The following VAPA variants were observed in gnomAD, a reference collection of about 807,000 sequenced individuals.
The protein encoded by VAPA is vesicle-associated membrane protein-associated protein A.
In VAPA, 6 loss-of-function variants were observed where a neutral mutation model predicts 25.6. The observed-to-expected ratio is 0.23, with a 90% CI of 0.13 to 0.46. VAPA has a LOEUF of 0.46. Among genes scored for constraint, VAPA ranks in the 20% least tolerant of loss-of-function variants. VAPA has a pLI of 0.99. For missense variants in VAPA, 244 were observed against 302.1 expected (o/e 0.81, Z 1.43); for synonymous variants, 112 against 106.2 (o/e 1.05, Z -0.34).
intron 1 of VAPA, among the ~76,000 whole-genome samples, chr18:9,916,038 A>T (rs2069109240): frequency 6.6e-6 from 1 of 152,164 alleles, no homozygotes; most frequent in South Asian, 2.1e-4. Context: ...TACAGTGAAC[A>T]TTTCCTCTAC....
At position 9,959,566 on chromosome 18, in the gene VAPA, GTTTTTTATAATTGACTTTGTGGTCTAAAT is replaced by G. The variant is rs1555618673; in HGVS notation, c.*5357_*5385del. 1 of 151,962 alleles carries G rather than the reference GTTTTTTATAATTGACTTTGTGGTCTAAAT, an allele frequency of 6.6e-6. No homozygotes were observed. Among genetic ancestry groups the G allele is most frequent in the Non-Finnish European group, 1.5e-5 (1 of 67,968 alleles). 9.4% of individuals were successfully genotyped at this position (151,962 alleles called of 1,614,324 possible). A position where few individuals can be genotyped will look rare whatever the true frequency, so the allele number is the denominator to read the frequency against. ...TTAAGATTTAATGATTAAAGCAAGA[GTTTTTTATAATTGACTTTGTGGTCTAAAT>G]TCTTGATACTGTTTATAATTCTACA... On this transcript the variant is annotated 3_prime_UTR_variant, in exon 6 of 6. Coordinates refer to ENST00000400000, the MANE Select transcript of VAPA (RefSeq NM_194434.3).
intron 1 of VAPA, chr18:9,915,196 C>T (rs1388139093): frequency 6.6e-6 from 1 of 152,324 alleles, no homozygotes; most frequent in Non-Finnish European, 1.5e-5. Context: ...TAGTTGAGCT[C>T]CTCTGCTGAG....
chr18:9,914,322 C>T lies in VAPA; in HGVS notation c.66C>T (p.Asp22=), dbSNP rs2069090880. The T allele has an allele frequency of 6.9e-6, 11 of 1,582,966 alleles. No individual in the cohort carries two copies. Among genetic ancestry groups the T allele is most frequent in the African/African-American group, 1.4e-5 (1 of 71,096 alleles). Residue 22 remains aspartate, a synonymous_variant, in exon 1 of 6, where the codon GAC becomes GAT. Transcript: ENST00000400000. ...TCCTGGTCCTCGATCCGCCCACAGA[C>T]CTCAAATTCAAAGGTAGGCAGAACG... ...EQILVLDPPT[D]LKFKGPFTDV...
At chr18:9,944,128 C>T (rs1217011750) in intron 4 of VAPA, among the ~76,000 whole-genome samples, 4 of 151,748 alleles carry the variant, frequency 2.6e-5, no homozygotes, top group African/African-American at 4.8e-5. Context: ...GGATTACAAG[C>T]GTGAGCCACC....
intron 1 of VAPA, among the ~76,000 whole-genome samples, chr18:9,929,496 C>T (rs1238321049): frequency 1.3e-5 from 2 of 152,130 alleles, no homozygotes; most frequent in Non-Finnish European, 2.9e-5. Flanking sequence ...CTCTCCAACT[C>T]ATTTTACCTT....
In VAPA at chr18:9,914,296, A is replaced by G. The variant is rs1182273619; in HGVS notation, c.40A>G (p.Ile14Val). ...AGGGGCCATGGCGAAGCACGAGCAG[A>G]TCCTGGTCCTCGATCCGCCCACAGA... ...ASGAMAKHEQ[I>V]LVLDPPTDLK... Residue 14 changes from isoleucine to valine, a missense_variant, in exon 1 of 6, where the codon ATC becomes GTC. Physicochemically the swap from Ile to Val is conservative, Grantham distance 29. Coordinates refer to ENST00000400000, the MANE Select transcript of VAPA (RefSeq NM_194434.3). 1.9e-6 allele frequency: 3 copies of G among 1,590,614 alleles called. No homozygotes were observed. Among genetic ancestry groups the G allele is most frequent in the Non-Finnish European group, 2.6e-6 (3 of 1,169,912 alleles).
At chr18:9,950,325 A>G in intron 4 of VAPA, 70 bp from the exon 5 acceptor site, 1 of 1,509,278 alleles carries the variant, frequency 6.6e-7, no homozygotes, top group Non-Finnish European at 9.0e-7. Flanking sequence ...TAGAATTTAT[A>G]TTGTTATTTG....
At chr18:9,916,897 T>C (rs1447460244) in intron 1 of VAPA, among the ~76,000 whole-genome samples, 1 of 152,228 alleles carries the variant, frequency 6.6e-6, no homozygotes, top group East Asian at 1.9e-4. Context: ...CAGGTAATCA[T>C]TCTGAGATTG....
At chr18:9,931,704 T>A in intron 1 of VAPA, 106 bp from the exon 2 acceptor site, 1 of 976,464 alleles carries the variant, frequency 1.0e-6, no homozygotes, top group Non-Finnish European at 1.5e-6. Flanking sequence ...TGCCTACAAA[T>A]GTCAGCACTT....
chr18:9,919,783 G>A (rs1473731946), intron 1 of VAPA, among the ~76,000 whole-genome samples: 2 of 152,184 alleles, frequency 1.3e-5, no homozygotes, highest in Non-Finnish European at 2.9e-5. Flanking sequence ...TTTTAAGTGA[G>A]GGGAGGAGCA....
At chr18:9,950,058 C>T (rs1399378873) in intron 4 of VAPA, 1 of 207,236 alleles carries the variant, frequency 4.8e-6, no homozygotes, top group African/African-American at 2.4e-5. Context: ...AGCATACTTT[C>T]ATTGAATAAC....
In VAPA at chr18:9,936,071, G is replaced by A. The variant is rs1030402986; in HGVS notation, c.233-39G>A. ...GTTTCAATGTATGTCTTTCAGACAT[G>A]CAGGAGACAATATAATATATCCTTT... On this transcript the variant is annotated intron_variant, in intron 2 of 5. Transcript: ENST00000400000. The A allele has an allele frequency of 2.9e-6, 4 of 1,386,298 alleles. No individual in the cohort carries two copies. The African/African-American group carries it at 4.4e-5, about 15-fold the overall frequency. The allele number at this position is 1,386,298 out of a possible 1,614,324, so 85.9% of individuals were successfully genotyped here. A position where few individuals can be genotyped will look rare whatever the true frequency, so the allele number is the denominator to read the frequency against.
Position 9,954,363 on chromosome 18 carries a change from C to T in VAPA, c.*152C>T, listed in dbSNP as rs755886456. The T allele has an allele frequency of 5.5e-5, 36 of 659,602 alleles. No homozygotes were observed. Among genetic ancestry groups the T allele is most frequent in the South Asian group, 4.2e-4 (20 of 47,692 alleles). 40.9% of individuals were successfully genotyped at this position (659,602 alleles called of 1,614,324 possible). ...AGGCTTTGCCTTTAATGATCTCTTA[C>T]GGTTAGAAAACACAATAAAAACAAA... On this transcript the variant is annotated 3_prime_UTR_variant, in exon 6 of 6. Coordinates refer to ENST00000400000, the MANE Select transcript of VAPA (RefSeq NM_194434.3).
In VAPA at chr18:9,959,707, TACTG is replaced by T. The variant is rs981288219; in HGVS notation, c.*5499_*5502del. The T allele has an allele frequency of 1.7e-5, 2 of 118,262 alleles. No individual in the cohort carries two copies. The highest frequency in any genetic ancestry group is 6.5e-5 in the African/African-American group (2 of 30,810). The allele number at this position is 118,262 out of a possible 1,614,324, so 7.3% of individuals were successfully genotyped here. On this transcript the variant is annotated 3_prime_UTR_variant, in exon 6 of 6. Coordinates refer to ENST00000400000, the MANE Select transcript of VAPA (RefSeq NM_194434.3). ...TGTGTGTGTGAGAGAGAGAGTGAGT[TACTG>T]ACATTGTTCCAAAAAAAAAAAAAAA...
At chr18:9,945,343 A>G (rs1422626116) in intron 4 of VAPA, among the ~76,000 whole-genome samples, 8 of 135,448 alleles carry the variant, frequency 5.9e-5, no homozygotes, top group African/African-American at 1.3e-4. Context: ...GATTTGGGGA[A>G]TATACTCTTT....
intron 1 of VAPA, among the ~76,000 whole-genome samples, chr18:9,927,736 T>C (rs538627421): frequency 1.2e-4 from 19 of 152,234 alleles, no homozygotes; most frequent in African/African-American, 4.3e-4. Context: ...GGCTCTAAGT[T>C]TTTTTAAAAC....
chr18:9,916,704 TAC>T (rs1415694907), intron 1 of VAPA, among the ~76,000 whole-genome samples: 2 of 152,250 alleles, frequency 1.3e-5, no homozygotes, highest in African/African-American at 4.8e-5. Flanking sequence ...ATTTAGAATG[TAC>T]AGTCTACTTG....
rs72950415 is a variant in VAPA, at chr18:9,930,153, A to G, written c.80-1657A>G. On this transcript the variant is annotated intron_variant, in intron 1 of 5. Coordinates refer to ENST00000400000, the MANE Select transcript of VAPA (RefSeq NM_194434.3). The stretch of plus-strand genomic sequence containing the variant: ...AAATTGGGGAGAATTAAATTAATAA[A>G]ACATTTAATTCTAAAAACTTACATA... Among the ~76,000 whole-genome samples, 334 of 152,284 alleles carry G rather than the reference A, an allele frequency of 2.2e-3. 2 individuals are homozygous for G. Among genetic ancestry groups the G allele is most frequent in the Non-Finnish European group, 2.9e-3 (195 of 67,996 alleles).
chr18:9,918,298 CATAACTCTTTCTAGT>C (rs1450267506), intron 1 of VAPA, among the ~76,000 whole-genome samples: 1 of 152,116 alleles, frequency 6.6e-6, no homozygotes, highest in East Asian at 1.9e-4. Flanking sequence ...CTTCTTTGAC[CATAACTCTTTCTAGT>C]ATGTGTCTCT....
Sources: allele counts gnomAD v4.1 joint callset (sites outside exome capture counted in the v4.1 genomes callset), GRCh38; gene constraint gnomAD v4.1.1; transcripts MANE v1.5; gene names NCBI Gene and HGNC (gene_info 2026-07-23, HGNC 2026-07-21).